Variants in AOX1 observed in about 807,000 individuals in gnomAD.
The protein encoded by AOX1 is aldehyde oxidase 1.
In AOX1, 153 loss-of-function variants were observed where a neutral mutation model predicts 169.5. The observed-to-expected ratio is 0.90, with a 90% CI of 0.79 to 1.03. The LOEUF is 1.03. Among genes scored for constraint, AOX1 ranks in the 50% least tolerant of loss-of-function variants. The pLI, the probability that AOX1 is intolerant of heterozygous loss-of-function variation, is 0.00. For synonymous variants in AOX1, 562 were observed against 581.9 expected (o/e 0.97, Z 0.49); for missense variants, 1,656 against 1,663.9 (o/e 1.00, Z 0.08).
chr2:200,593,439 A>C (rs915505721), intron 2 of AOX1, among the ~76,000 whole-genome samples: 1 of 151,502 alleles, frequency 6.6e-6, no homozygotes, highest in Non-Finnish European at 1.5e-5. Context: ...CTAGTAATGG[A>C]AACTTAATAG....
At chr2:200,656,748 G>T in intron 26 of AOX1, 94 bp from the exon 27 acceptor site, 1 of 968,256 alleles carries the variant, frequency 1.0e-6, no homozygotes, top group Non-Finnish European at 1.5e-6. Flanking sequence ...CGGGATTCTT[G>T]GAGGGAAATA....
chr2:200,648,099 A>C (rs1202283693), intron 25 of AOX1, among the ~76,000 whole-genome samples: 1 of 151,738 alleles, frequency 6.6e-6, no homozygotes, highest in African/African-American at 2.4e-5. Flanking sequence ...TAAATCAGAG[A>C]TTTCTTCTTG....
intron 1 of AOX1, among the ~76,000 whole-genome samples, chr2:200,587,138 CAAAA>C (rs370741447): frequency 4.0e-5 from 6 of 150,178 alleles, no homozygotes; most frequent in Admixed American, 3.3e-4. Flanking sequence ...ACAACAACAA[CAAAA>C]AAAAACCGGT....
At chr2:200,678,555 T>A (rs1415277504), downstream of AOX1, 2 of 152,188 alleles carry the variant, frequency 1.3e-5, no homozygotes, top group African/African-American at 4.8e-5. Context: ...CAACCTATTT[T>A]AAATGATTCT....
chr2:200,623,810 G>A, intron 18 of AOX1, 51 bp from the exon 19 acceptor site: 1 of 1,610,750 alleles, frequency 6.2e-7, no homozygotes, highest in East Asian at 2.2e-5. Context: ...GAATAAAAGA[G>A]AGGACCTGAT....
At chr2:200,655,563 A>C (rs1228564101) in intron 26 of AOX1, among the ~76,000 whole-genome samples, 1 of 152,170 alleles carries the variant, frequency 6.6e-6, no homozygotes, top group Non-Finnish European at 1.5e-5. Flanking sequence ...GACTGTGGAC[A>C]TATGTGCCTG....
chr2:200,603,945 C>G (rs1203736360), intron 7 of AOX1, 72 bp from the exon 8 acceptor site: 1 of 1,050,994 alleles, frequency 9.5e-7, no homozygotes, highest in Non-Finnish European at 1.5e-6. Context: ...GTATCTATAT[C>G]TTTTGACCTT....
intron 14 of AOX1, 39 bp downstream of exon 14, chr2:200,612,832 C>T: frequency 6.5e-7 from 1 of 1,545,742 alleles, no homozygotes. Context: ...AATACTTGTC[C>T]TTAGACTCCA....
At position 200,609,321 on chromosome 2, in the gene AOX1, T is replaced by C; in HGVS notation, c.1060T>C (p.Ser354Pro). ...GAAAATAACTCATTATTTTTAAAAG[T>C]CTTTAGGGGGACACATCATTAGCAG... is the stretch of plus-strand genomic sequence containing the variant. ...LAGSQIRNMA[S>P]LGGHIISRHP... The change falls in exon 12 of 35, where the codon TCT becomes CCT. Residue 354 changes from serine to proline, a missense_variant and splice_region_variant. Ser to Pro is a moderately conservative substitution (Grantham distance 74). Transcript: ENST00000374700. 1 of 1,613,702 alleles carries C rather than the reference T, an allele frequency of 6.2e-7. No individual in the cohort carries two copies. Among genetic ancestry groups the C allele is most frequent in the Non-Finnish European group, 8.5e-7 (1 of 1,179,698 alleles).
rs767523864 is a variant in AOX1, at chr2:200,586,172, C to T, written c.45+19C>T. ...CCGCAAGGTGAGCGCCCGCGGGCTT[C>T]CTCTGCCCCCAGACCTGCGGCCAGG... On this transcript the variant is annotated intron_variant, in intron 1 of 34. Coordinates refer to ENST00000374700, the MANE Select transcript of AOX1 (RefSeq NM_001159.4). 1.9e-6 allele frequency: 3 copies of T among 1,551,500 alleles called. No homozygotes were observed. The African/African-American group carries it at 4.1e-5, about 21-fold the overall frequency.
At chr2:200,668,343 A>C (rs1393631140) in intron 32 of AOX1, among the ~76,000 whole-genome samples, 2 of 152,052 alleles carry the variant, frequency 1.3e-5, no homozygotes, top group Admixed American at 6.5e-5. Context: ...TCCCAACCTC[A>C]GGTGATCCGC....
intron 4 of AOX1, 74 bp downstream of exon 4, chr2:200,597,579 A>G: frequency 8.7e-7 from 1 of 1,143,852 alleles, no homozygotes; most frequent in Middle Eastern, 2.4e-4. Context: ...TGAGATTAAG[A>G]GAGCGGAGCA....
At chr2:200,631,555 A>G (rs1053796284) in intron 20 of AOX1, among the ~76,000 whole-genome samples, 1 of 152,152 alleles carries the variant, frequency 6.6e-6, no homozygotes, top group African/African-American at 2.4e-5. Flanking sequence ...TCCTAAACCC[A>G]TACTGGGATA....
chr2:200,627,537 C>T, intron 20 of AOX1, 88 bp downstream of exon 20: 2 of 933,340 alleles, frequency 2.1e-6, no homozygotes, highest in South Asian at 1.4e-5. Flanking sequence ...AATCATCGGG[C>T]AGCCTAGGGG....
At chr2:200,647,302 C>T (rs2035475075) in intron 25 of AOX1, among the ~76,000 whole-genome samples, 1 of 152,180 alleles carries the variant, frequency 6.6e-6, no homozygotes, top group African/African-American at 2.4e-5. Flanking sequence ...ATTCTCTCAG[C>T]ATTTGTTTAT....
chr2:200,676,609 AAAAAAAAG>A (rs1388246596), intron 4 of AOX1, among the ~76,000 whole-genome samples: 2 of 151,762 alleles, frequency 1.3e-5, no homozygotes, highest in Admixed American at 1.3e-4. Context: ...CAAAAAAAAA[AAAAAAAAG>A]AAGAAGAAGA....
At chr2:200,612,056 C>T (rs1273042705) in intron 13 of AOX1, among the ~76,000 whole-genome samples, 2 of 152,104 alleles carry the variant, frequency 1.3e-5, no homozygotes, top group African/African-American at 2.4e-5. Flanking sequence ...TCTAAAGTAA[C>T]TTTCTAAAAG....
At chr2:200,650,865 T>C in intron 25 of AOX1, 109 bp from the exon 26 acceptor site, 4 of 902,776 alleles carry the variant, frequency 4.4e-6, no homozygotes, top group Non-Finnish European at 6.9e-6. Flanking sequence ...CAGTAGAACT[T>C]GGCTTGGACC....
rs2036028158 is a variant in AOX1, at chr2:200,671,472, CAAT to C, written c.*796_*798del. 1 of 152,120 alleles carries C rather than the reference CAAT, an allele frequency of 6.6e-6. No individual in the cohort carries two copies. The allele number at this position is 152,120 out of a possible 1,614,324, so 9.4% of individuals were successfully genotyped here. A position where few individuals can be genotyped will look rare whatever the true frequency, so the allele number is the denominator to read the frequency against. ...TATCACATGCATAAATATTATGTATCAATAAAATTTTTTAATGGGCAAAGGATT... is the reference window on the plus strand; with the variant it reads ...TATCACATGCATAAATATTATGTATCAAAATTTTTTAATGGGCAAAGGATT... On this transcript the variant is annotated 3_prime_UTR_variant, in exon 35 of 35. Transcript: ENST00000374700.
Sources: allele counts gnomAD v4.1 joint callset (sites outside exome capture counted in the v4.1 genomes callset), GRCh38; gene constraint gnomAD v4.1.1; transcripts MANE v1.5; gene names NCBI Gene and HGNC (gene_info 2026-07-23, HGNC 2026-07-21).